IL1RAPL2: variants seen among roughly 807,000 people sequenced by gnomAD.
IL1RAPL2 encodes the protein X-linked interleukin-1 receptor accessory protein-like 2.
IL1RAPL2 carries 3 observed loss-of-function variants against 44.1 expected under a neutral mutation model. That is an observed-to-expected ratio of 0.07 (90% CI 0.03 to 0.18). The LOEUF is 0.18. IL1RAPL2 is among the 10% of genes least tolerant of loss of function. IL1RAPL2 has a pLI of 1.00. For synonymous variants in IL1RAPL2, 181 were observed against 178.8 expected (o/e 1.01, Z -0.10); for missense variants, 391 against 496.4 (o/e 0.79, Z 2.02).
intron 6 of IL1RAPL2, among the ~76,000 whole-genome samples, chrX:105,640,731 TATATAGATATAGATAG>T (rs1271795277): frequency 4.6e-5 from 4 of 87,001 alleles, no homozygotes; most frequent in South Asian, 6.2e-4. Context: ...CATATCTATA[TATATAGATATAGATAG>T]ATATAGATAT....
chrX:105,468,712 A>G (rs1363086051), intron 5 of IL1RAPL2, among the ~76,000 whole-genome samples: 1 of 111,637 alleles, frequency 9.0e-6, no homozygotes, highest in Non-Finnish European at 1.9e-5. Flanking sequence ...ACTGTACTTC[A>G]GAAGTGTTCA....
intron 6 of IL1RAPL2, among the ~76,000 whole-genome samples, chrX:105,532,254 A>G (rs1470383204): frequency 1.8e-5 from 2 of 111,510 alleles, no homozygotes; most frequent in African/African-American, 6.5e-5. Flanking sequence ...TAACACCACA[A>G]TTTGTTTCTC....
intron 6 of IL1RAPL2, among the ~76,000 whole-genome samples, chrX:105,529,111 T>G: frequency 9.0e-6 from 1 of 111,677 alleles, no homozygotes. Context: ...AAAATTATCT[T>G]CAATTTGAAT....
intron 5 of IL1RAPL2, among the ~76,000 whole-genome samples, chrX:105,350,187 T>C (rs1034488619): frequency 1.8e-5 from 2 of 111,942 alleles, no homozygotes; most frequent in Non-Finnish European, 3.8e-5. Context: ...TTTGATAGTA[T>C]CATTTCACTC....
rs549225692 is a variant in IL1RAPL2, at chrX:104,973,977, C to T, written c.83-221498C>T. Among the ~76,000 whole-genome samples the T allele has an allele frequency of 2.5e-4, 28 of 111,860 alleles. No homozygotes were observed. The South Asian group carries it at 6.3e-3, about 25-fold the overall frequency. ...TTGTTCCCTCATATTTTGAACCTTT[C>T]TTTCAATAACTTCCAAATTAGACAA... On this transcript the variant is annotated intron_variant, in intron 2 of 10. Coordinates refer to ENST00000372582, the MANE Select transcript of IL1RAPL2 (RefSeq NM_017416.2).
intron 6 of IL1RAPL2, among the ~76,000 whole-genome samples, chrX:105,525,433 C>T (rs972022902): frequency 2.7e-5 from 3 of 110,926 alleles, no homozygotes; most frequent in Non-Finnish European, 5.7e-5. Context: ...TAATGAATGT[C>T]CAAATATCTA....
intron 2 of IL1RAPL2, among the ~76,000 whole-genome samples, chrX:104,796,529 C>T (rs932768440): frequency 1.8e-5 from 2 of 112,078 alleles, no homozygotes; most frequent in African/African-American, 3.2e-5. Flanking sequence ...AAAGAAAGTT[C>T]CTGCACCCCT....
rs35842489 is a variant in IL1RAPL2, at chrX:104,968,979, C to CTGTGTGTGTGTGTGTGTG, written c.83-226468_83-226451dup. 1.3e-3 allele frequency among the ~76,000 whole-genome samples: 103 copies of CTGTGTGTGTGTGTGTGTG among 82,050 alleles called. 1 individual carries two copies. The highest frequency in any genetic ancestry group is 4.3e-3 in the African/African-American group (95 of 21,902). 71.3% of individuals were successfully genotyped at this position (82,050 alleles called of 115,157 possible). On this transcript the variant is annotated intron_variant, in intron 2 of 10. Transcript: ENST00000372582. ...ACAGGGTTTTGTTTTTTGCCTTTTG[C>CTGTGTGTGTGTGTGTGTG]TGTGTGTGTGTGTGTGTGTGTGTGT... is the stretch of plus-strand genomic sequence containing the variant.
rs769764217 is a variant in IL1RAPL2, at chrX:105,051,488, G to A, written c.83-143987G>A. Among the ~76,000 whole-genome samples, 339 of 112,929 alleles carry A rather than the reference G, an allele frequency of 3.0e-3. 2 individuals carry two copies. Among genetic ancestry groups the A allele is most frequent in the African/African-American group, 0.01 (321 of 31,188 alleles). ...AGCTGCTGGTCAGCCAGCTGCAGCT[G>A]CATCCGAGAGGGCAGATCCCCCCAA... On this transcript the variant is annotated intron_variant, in intron 2 of 10. Coordinates refer to ENST00000372582, the MANE Select transcript of IL1RAPL2 (RefSeq NM_017416.2).
intron 6 of IL1RAPL2, among the ~76,000 whole-genome samples, chrX:105,580,049 C>A (rs746852923): frequency 9.0e-6 from 1 of 111,576 alleles, no homozygotes; most frequent in African/African-American, 3.3e-5. Flanking sequence ...TTCTTTATTG[C>A]GAGTAAATTG....
At chrX:105,150,293 G>A (rs184944651) in intron 2 of IL1RAPL2, among the ~76,000 whole-genome samples, 63 of 111,821 alleles carry the variant, frequency 5.6e-4, no homozygotes, top group African/African-American at 2.0e-3. Flanking sequence ...TGGAGTGATA[G>A]CAAAGCGGAG....
chrX:105,569,533 G>A (rs973838406), intron 6 of IL1RAPL2, among the ~76,000 whole-genome samples: 14 of 111,618 alleles, frequency 1.3e-4, no homozygotes, highest in Admixed American at 4.8e-4. Context: ...TTAATTGCCA[G>A]TGCTCAGCTC....
intron 5 of IL1RAPL2, among the ~76,000 whole-genome samples, chrX:105,365,264 T>G (rs1256825102): frequency 9.0e-6 from 1 of 111,714 alleles, no homozygotes. Context: ...TTGATCATGG[T>G]GAGTGGTCTT....
intron 2 of IL1RAPL2, among the ~76,000 whole-genome samples, chrX:104,866,315 T>C (rs142110437): frequency 0.018 from 1,956 of 111,590 alleles, 37 homozygotes; most frequent in African/African-American, 0.061. Context: ...TGGAGTACGT[T>C]GCTCATATGA....
At chrX:105,759,681 G>T (rs769771840) in intron 10 of IL1RAPL2, among the ~76,000 whole-genome samples, 9 of 111,985 alleles carry the variant, frequency 8.0e-5, no homozygotes, top group African/African-American at 2.9e-4. Flanking sequence ...CTTGCATTTG[G>T]TAGACTTTCC....
intron 2 of IL1RAPL2, among the ~76,000 whole-genome samples, chrX:104,888,844 T>A (rs1923335713): frequency 8.9e-6 from 1 of 111,782 alleles, no homozygotes; most frequent in African/African-American, 3.3e-5. Flanking sequence ...GGACCAAGAA[T>A]ACCCTAACAG....
chrX:104,949,683 A>C (rs913144130), intron 2 of IL1RAPL2, among the ~76,000 whole-genome samples: 15 of 110,544 alleles, frequency 1.4e-4, no homozygotes, highest in African/African-American at 5.0e-4. Context: ...TGTAGCCAGT[A>C]GTCATTCAGG....
chrX:105,579,583 CTTTATTAT>C (rs1017724668), intron 6 of IL1RAPL2, among the ~76,000 whole-genome samples: 3 of 111,190 alleles, frequency 2.7e-5, no homozygotes, highest in Admixed American at 1.9e-4. Context: ...ACCACTGAGA[CTTTATTAT>C]GAGACAGATA....
intron 5 of IL1RAPL2, among the ~76,000 whole-genome samples, chrX:105,423,300 A>G (rs1166878205): frequency 8.9e-6 from 1 of 112,036 alleles, no homozygotes; most frequent in African/African-American, 3.2e-5. Context: ...TTATAATTTG[A>G]TTTTGGTAAG....
Sources: allele counts gnomAD v4.1 joint callset (sites outside exome capture counted in the v4.1 genomes callset), GRCh38; gene constraint gnomAD v4.1.1; transcripts MANE v1.5; gene names NCBI Gene and HGNC (gene_info 2026-07-23, HGNC 2026-07-21).